The following RELL1 variants were observed in gnomAD, a reference collection of about 807,000 sequenced individuals.
The protein encoded by RELL1 is RELT-like protein 1.
Under a neutral mutation model 23.0 loss-of-function variants are expected in RELL1, and 10 were observed. That is an observed-to-expected ratio of 0.43 (90% CI 0.27 to 0.74). The LOEUF (loss-of-function observed/expected upper bound fraction) is 0.74, where lower values mean the gene tolerates loss of function less well. RELL1 is among the 30% of genes least tolerant of loss of function. The probability of loss-of-function intolerance (pLI) is 0.19; values close to 1 mark genes in which losing one functional copy is unlikely to be tolerated. For synonymous variants in RELL1, 146 were observed against 146.8 expected, an observed-to-expected ratio of 0.99 and a Z score of 0.04; for missense variants, 315 against 364.4, an observed-to-expected ratio of 0.86 and a Z score of 1.10.
intron 3 of RELL1, among the ~76,000 whole-genome samples, chr4:37,643,685 T>C (rs970675905): frequency 6.6e-6 from 1 of 152,208 alleles, no homozygotes; most frequent in African/African-American, 2.4e-5. Context: ...TGGTACTAAG[T>C]TCAAGTTATG....
chr4:37,637,942 AC>A (rs1720390911), intron 4 of RELL1, among the ~76,000 whole-genome samples: 1 of 152,160 alleles, frequency 6.6e-6, no homozygotes, highest in Non-Finnish European at 1.5e-5. Context: ...CCTTATAACA[AC>A]CCTATAAAGC....
chr4:37,670,610 GC>G (rs1446876816), intron 1 of RELL1, among the ~76,000 whole-genome samples: 3 of 150,868 alleles, frequency 2.0e-5, no homozygotes, highest in Admixed American at 2.0e-4. Context: ...TCACTCTGTG[GC>G]CCAGGCTGGA....
At chr4:37,633,972 T>G (rs533232859) in intron 5 of RELL1, among the ~76,000 whole-genome samples, 1 of 152,328 alleles carries the variant, frequency 6.6e-6, no homozygotes, top group South Asian at 2.1e-4. Context: ...ACTGTTGACT[T>G]TCGCTCAGTG....
intron 1 of RELL1, chr4:37,665,369 T>G (rs6837020): frequency 0.31 from 139,571 of 447,690 alleles, 25,892 homozygotes; most frequent in African/African-American, 0.66. Context: ...TCAACAGAAG[T>G]TTCCAGTTTG....
intron 3 of RELL1, among the ~76,000 whole-genome samples, chr4:37,646,189 C>T (rs1720705403): frequency 6.6e-6 from 1 of 152,184 alleles, no homozygotes; most frequent in Non-Finnish European, 1.5e-5. Flanking sequence ...GAATCCCACA[C>T]ACCTCAAATA....
At chr4:37,685,508 C>A (rs76915803) in intron 1 of RELL1, among the ~76,000 whole-genome samples, 2,919 of 152,268 alleles carry the variant, frequency 0.019, 45 homozygotes, top group East Asian at 0.054. Flanking sequence ...GTTGGTGACA[C>A]TTTAGCATCT....
intron 1 of RELL1, among the ~76,000 whole-genome samples, chr4:37,684,382 G>T (rs1722329858): frequency 1.3e-5 from 2 of 151,512 alleles, no homozygotes; most frequent in Non-Finnish European, 2.9e-5. Flanking sequence ...GCAATTAGAT[G>T]AGAGCTTTCA....
In RELL1 at chr4:37,649,433, C is replaced by G. The variant is rs1490936017; in HGVS notation, c.156G>C (p.Gly52=). 5.0e-6 allele frequency: 8 copies of G among 1,614,218 alleles called. No individual in the cohort carries two copies. Among genetic ancestry groups the G allele is most frequent in the Non-Finnish European group, 6.8e-6 (8 of 1,180,028 alleles). ...ATGCAATATATTCTGGGTGTCCATT[C>G]CCAGTATCGTTGCTGGGCGACGGGG... The part of the protein sequence containing the change: ...ETTPSPSNDT[G]NGHPEYIAYA... The change falls in exon 2 of 7, where the codon GGG becomes GGC. Residue 52 remains glycine, a synonymous_variant. Transcript: ENST00000454158.
intron 1 of RELL1, among the ~76,000 whole-genome samples, chr4:37,659,113 G>A (rs758310624): frequency 6.6e-6 from 1 of 152,176 alleles, no homozygotes; most frequent in Non-Finnish European, 1.5e-5. Flanking sequence ...GGCAGAGCTT[G>A]GCTCTAGCTG....
rs1382688191 is a variant in RELL1, at chr4:37,631,491, T to G, written c.713A>C (p.Asn238Thr). 1 of 1,614,068 alleles carries G rather than the reference T, an allele frequency of 6.2e-7. No homozygotes were observed. The highest frequency in any genetic ancestry group is 8.5e-7 in the Non-Finnish European group (1 of 1,180,000). ...CATCAGGCTTCTCCGTTCCTTCTGG[T>G]TTGACTTGTGCTCCACTTTTGTAAC... Reference protein sequence around the residue: ...FRVTKVEHKSNQKERRSLMSV... With the variant: ...FRVTKVEHKSTQKERRSLMSV... The change falls in exon 6 of 7, where the codon AAC (asparagine) becomes ACC (threonine). Residue 238 changes from asparagine to threonine, a missense_variant. Transcript: ENST00000454158.
intron 6 of RELL1, among the ~76,000 whole-genome samples, chr4:37,615,398 A>T (rs1272060365): frequency 6.6e-6 from 1 of 152,248 alleles, no homozygotes; most frequent in Non-Finnish European, 1.5e-5. Context: ...AGAAGGTAGC[A>T]CATTACTGGC....
At chr4:37,669,195 A>C (rs1721684159) in intron 1 of RELL1, among the ~76,000 whole-genome samples, 1 of 90,248 alleles carries the variant, frequency 1.1e-5, no homozygotes, top group Non-Finnish European at 2.0e-5. Flanking sequence ...GGGGGGGGTC[A>C]GCCCCCTGCC....
chr4:37,677,788 T>A (rs985886066), intron 1 of RELL1, among the ~76,000 whole-genome samples: 4 of 152,132 alleles, frequency 2.6e-5, no homozygotes, highest in Non-Finnish European at 5.9e-5. Flanking sequence ...CTAGCCAACA[T>A]GGTGAAACCC....
At chr4:37,668,412 T>G (rs1721620378) in intron 1 of RELL1, among the ~76,000 whole-genome samples, 1 of 152,148 alleles carries the variant, frequency 6.6e-6, no homozygotes, top group Non-Finnish European at 1.5e-5. Flanking sequence ...GAGACGGGGT[T>G]TCGCTGTGTT....
intron 1 of RELL1, among the ~76,000 whole-genome samples, chr4:37,659,552 T>TA (rs1166817247): frequency 6.6e-6 from 1 of 152,224 alleles, no homozygotes; most frequent in African/African-American, 2.4e-5. Flanking sequence ...GCTAAATGTC[T>TA]AAATGTTCAT....
chr4:37,598,251 TCAAAAAAA>T (rs1259045340), intron 6 of RELL1, among the ~76,000 whole-genome samples: 4 of 2,038 alleles, frequency 2.0e-3, no homozygotes, highest in Non-Finnish European at 3.3e-3. Context: ...CAACTCTGTC[TCAAAAAAA>T]AAAAAAAAAA....
intron 5 of RELL1, among the ~76,000 whole-genome samples, chr4:37,634,375 T>C (rs1720241562): frequency 6.6e-6 from 1 of 152,228 alleles, no homozygotes; most frequent in African/African-American, 2.4e-5. Context: ...GAAAGTTAGC[T>C]TGGCTGGGTG....
chr4:37,622,929 C>G (rs559465711), intron 6 of RELL1: 158 of 419,382 alleles, frequency 3.8e-4, no homozygotes, highest in Non-Finnish European at 5.8e-4. Context: ...CTCAGCCTCC[C>G]GAGTAGCTGG....
chr4:37,603,542 G>A (rs1373235515), intron 6 of RELL1, among the ~76,000 whole-genome samples: 1 of 152,240 alleles, frequency 6.6e-6, no homozygotes, highest in Admixed American at 6.5e-5. Context: ...GCACTAAATC[G>A]CGCGACGCCA....
Sources: allele counts gnomAD v4.1 joint callset (sites outside exome capture counted in the v4.1 genomes callset), GRCh38; gene constraint gnomAD v4.1.1; transcripts MANE v1.5; gene names NCBI Gene and HGNC (gene_info 2026-07-23, HGNC 2026-07-21).